Variants in SATB2 observed in about 807,000 individuals in gnomAD.
SATB2 encodes DNA-binding protein SATB2.
A neutral mutation model predicts 73.4 loss-of-function variants in SATB2; 1 was observed. The ratio of observed to expected loss-of-function variants is 0.01; its 90% CI spans 0.00 to 0.06. The LOEUF (loss-of-function observed/expected upper bound fraction) is 0.06, where lower values mean the gene tolerates loss of function less well. Ranked by LOEUF, SATB2 falls within the 10% of genes least tolerant of loss-of-function variation. SATB2 has a pLI of 1.00. For synonymous variants in SATB2, 397 were observed against 367.0 expected, an observed-to-expected ratio of 1.08 and a Z score of -0.93; for missense variants, 459 against 945.8, an observed-to-expected ratio of 0.49 and a Z score of 6.75.
chr2:199,423,348 G>C (rs980674208), intron 3 of SATB2, among the ~76,000 whole-genome samples: 4 of 151,980 alleles, frequency 2.6e-5, no homozygotes, highest in African/African-American at 9.7e-5. Flanking sequence ...TTAAATGAGT[G>C]AATAAAATAT....
rs1380687187 is a variant in SATB2, at chr2:199,463,932, T to C, written c.-141+904A>G. Among the ~76,000 whole-genome samples the C allele has an allele frequency of 6.6e-6, 1 of 152,022 alleles. No individual in the cohort carries two copies. The highest frequency in any genetic ancestry group is 2.4e-5 in the African/African-American group (1 of 41,384). ...CAAGGGGGCCCAAACCGCAGTTGCC[T>C]CCCGAACGCTTTGAGGCTATGGGCC... is the stretch of plus-strand genomic sequence containing the variant. On this transcript the variant is annotated intron_variant, in intron 1 of 11. Coordinates refer to the SATB2 transcript ENST00000260926. The surrounding 1 kb of genome is among the most constrained non-coding windows in gnomAD (Gnocchi z 6.4).
At chr2:199,289,227 C>T (rs1692777271) in intron 10 of SATB2, among the ~76,000 whole-genome samples, 1 of 152,072 alleles carries the variant, frequency 6.6e-6, no homozygotes, top group South Asian at 2.1e-4. Flanking sequence ...TTTTGCTTCT[C>T]AACTTTGTGG....
intron 7 of SATB2, among the ~76,000 whole-genome samples, chr2:199,342,990 A>G (rs1303118467): frequency 2.0e-5 from 3 of 152,178 alleles, no homozygotes; most frequent in Non-Finnish European, 2.9e-5. Flanking sequence ...TGACATTTGA[A>G]ATGTTATTTA....
At chr2:199,357,721 T>C (rs1689027786) in intron 6 of SATB2, among the ~76,000 whole-genome samples, 1 of 152,152 alleles carries the variant, frequency 6.6e-6, no homozygotes, top group African/African-American at 2.4e-5. Flanking sequence ...ATTATATTTA[T>C]TTTTATAAAT....
upstream of SATB2, among the ~76,000 whole-genome samples, chr2:199,468,423 C>T (rs1559073475): frequency 6.6e-6 from 1 of 152,062 alleles, no homozygotes; most frequent in Admixed American, 6.5e-5. Context: ...TGCCACAGGA[C>T]ATTAGCTCTG....
Position 199,457,455 on chromosome 2 carries a change from C to G in SATB2, c.-176G>C, listed in dbSNP as rs1024791618. 6.5e-6 allele frequency: 1 copy of G among 152,866 alleles called. No individual in the cohort carries two copies. The highest frequency in any genetic ancestry group is 2.4e-5 in the African/African-American group (1 of 41,436). The allele number at this position is 152,866 out of a possible 1,614,324, so 9.5% of individuals were successfully genotyped here. A position where few individuals can be genotyped will look rare whatever the true frequency, so the allele number is the denominator to read the frequency against. ...TTTGCAGTGTTCTCCTAGTCTTCCT[C>G]TTTACTCCTTCCCCTTCCCTCTTCC... On this transcript the variant is annotated 5_prime_UTR_variant, in exon 1 of 11. Coordinates refer to ENST00000417098, the MANE Select transcript of SATB2 (RefSeq NM_001172509.2). This position sits in a 1 kb window ranked among gnomAD's most constrained non-coding sequence, Gnocchi z 4.8.
At chr2:199,442,545 T>G (rs1310069956) in intron 2 of SATB2, among the ~76,000 whole-genome samples, 1 of 152,132 alleles carries the variant, frequency 6.6e-6, no homozygotes, top group African/African-American at 2.4e-5. Flanking sequence ...GACAAAATGT[T>G]TAATGATCCT....
At chr2:199,337,613 C>T (rs1026231568) in intron 7 of SATB2, among the ~76,000 whole-genome samples, 7 of 152,114 alleles carry the variant, frequency 4.6e-5, no homozygotes, top group Admixed American at 4.6e-4. Flanking sequence ...TGTGCACATG[C>T]TCATCTGGGG....
intron 3 of SATB2, among the ~76,000 whole-genome samples, chr2:199,402,809 G>T (rs1476183803): frequency 6.6e-6 from 1 of 152,068 alleles, no homozygotes; most frequent in African/African-American, 2.4e-5. Flanking sequence ...AATGCTATGG[G>T]TTTTAAATGA....
At chr2:199,391,890 T>C (rs1286030399) in intron 3 of SATB2, among the ~76,000 whole-genome samples, 1 of 152,182 alleles carries the variant, frequency 6.6e-6, no homozygotes, top group Non-Finnish European at 1.5e-5. Context: ...CTATTCCCCT[T>C]GCATGTCTAG....
chr2:199,402,473 G>A (rs548940193), intron 3 of SATB2, among the ~76,000 whole-genome samples: 3 of 151,978 alleles, frequency 2.0e-5, no homozygotes, highest in African/African-American at 7.3e-5. Context: ...CAGGAGAATC[G>A]CTGAACCCAG....
chr2:199,416,318 A>G (rs1404772374), intron 3 of SATB2, among the ~76,000 whole-genome samples: 1 of 152,228 alleles, frequency 6.6e-6, no homozygotes, highest in Non-Finnish European at 1.5e-5. Context: ...ACTAATAATT[A>G]TATTTGACCT....
chr2:199,462,102 A>C (rs1214327980), upstream of SATB2, among the ~76,000 whole-genome samples: 1 of 152,044 alleles, frequency 6.6e-6, no homozygotes, highest in East Asian at 1.9e-4. The surrounding 1 kb of genome is among the most constrained non-coding windows in gnomAD (Gnocchi z 5.9). Flanking sequence ...AGGCAGAGAG[A>C]CCCTGCCTTT....
At chr2:199,304,144 G>A (rs1046577666) in intron 10 of SATB2, among the ~76,000 whole-genome samples, 12 of 152,130 alleles carry the variant, frequency 7.9e-5, no homozygotes, top group African/African-American at 2.9e-4. Flanking sequence ...CCTGGCTTCA[G>A]GCAAGGCTTG....
At chr2:199,415,662 T>C (rs908686026) in intron 3 of SATB2, among the ~76,000 whole-genome samples, 1 of 152,226 alleles carries the variant, frequency 6.6e-6, no homozygotes, top group African/African-American at 2.4e-5. Context: ...ACTAAATCCC[T>C]GATTTATCCA....
chr2:199,331,742 G>A (rs1014916855), intron 7 of SATB2, among the ~76,000 whole-genome samples: 3 of 151,958 alleles, frequency 2.0e-5, no homozygotes, highest in African/African-American at 7.3e-5. Context: ...AGTCTATTTC[G>A]TTAGTTGAAA....
At chr2:199,449,692 ATTACAT>A (rs1419846078) in intron 2 of SATB2, among the ~76,000 whole-genome samples, 10 of 152,160 alleles carry the variant, frequency 6.6e-5, no homozygotes, top group African/African-American at 1.9e-4. Flanking sequence ...TATTTATCAC[ATTACAT>A]TTAAGTAGTA....
intron 3 of SATB2, among the ~76,000 whole-genome samples, chr2:199,415,084 C>T (rs917148946): frequency 2.6e-5 from 4 of 152,136 alleles, no homozygotes; most frequent in Admixed American, 2.0e-4. Context: ...TAAATACAAC[C>T]TAAAACACAA....
chr2:199,394,284 T>C (rs982720310), intron 3 of SATB2, among the ~76,000 whole-genome samples: 2 of 152,180 alleles, frequency 1.3e-5, no homozygotes, highest in Non-Finnish European at 2.9e-5. Flanking sequence ...AGAGTGATGC[T>C]GAAAATTGGG....
Sources: allele counts gnomAD v4.1 joint callset (sites outside exome capture counted in the v4.1 genomes callset), GRCh38; gene constraint gnomAD v4.1.1; non-coding constraint Gnocchi (gnomAD v3.1); transcripts MANE v1.5; gene names NCBI Gene and HGNC (gene_info 2026-07-23, HGNC 2026-07-21).